The following NAALADL2 variants were observed in gnomAD, a reference collection of about 807,000 sequenced individuals.
The protein encoded by NAALADL2 is N-acetylated alpha-linked acidic dipeptidase like 2, also known as inactive N-acetylated-alpha-linked acidic dipeptidase-like protein 2.
In NAALADL2, 76 loss-of-function variants were observed where a neutral mutation model predicts 87.2. The ratio of observed to expected loss-of-function variants is 0.87; its 90% CI spans 0.72 to 1.05. NAALADL2 has a LOEUF of 1.05. Ranked by LOEUF, NAALADL2 falls within the 50% of genes least tolerant of loss-of-function variation. NAALADL2 has a pLI of 0.00. For synonymous variants in NAALADL2, 354 were observed against 331.0 expected, an observed-to-expected ratio of 1.07 and a Z score of -0.75; for missense variants, 1,089 against 945.8, an observed-to-expected ratio of 1.15 and a Z score of -1.99.
chr3:174,911,141 G>C (rs1733645301), intron 1 of NAALADL2, among the ~76,000 whole-genome samples: 1 of 152,058 alleles, frequency 6.6e-6, no homozygotes, highest in Non-Finnish European at 1.5e-5. Context: ...AGTGGATTCT[G>C]ATAGCTATTA....
intron 11 of NAALADL2, among the ~76,000 whole-genome samples, chr3:175,672,118 G>A (rs992992988): frequency 6.6e-6 from 1 of 152,116 alleles, no homozygotes; most frequent in African/African-American, 2.4e-5. Flanking sequence ...TGGTGGAGCA[G>A]GAGTTGCTGA....
intron 2 of NAALADL2, among the ~76,000 whole-genome samples, chr3:174,714,205 C>A (rs1293614335): frequency 6.6e-6 from 1 of 152,028 alleles, no homozygotes; most frequent in East Asian, 1.9e-4. Flanking sequence ...TTACTGTAGC[C>A]TTGTAGTATA....
At chr3:175,399,971 G>C (rs1246681431) in intron 5 of NAALADL2, among the ~76,000 whole-genome samples, 2 of 151,808 alleles carry the variant, frequency 1.3e-5, no homozygotes, top group Admixed American at 1.3e-4. Context: ...CTGAAGTGAA[G>C]ATATTAATTG....
chr3:174,999,374 G>C (rs1275616518), intron 1 of NAALADL2, among the ~76,000 whole-genome samples: 1 of 152,056 alleles, frequency 6.6e-6, no homozygotes, highest in Non-Finnish European at 1.5e-5. Flanking sequence ...TTTATTTTTA[G>C]AATTGTCTTT....
chr3:175,179,487 G>C (rs1162408500), intron 2 of NAALADL2, among the ~76,000 whole-genome samples: 4 of 151,906 alleles, frequency 2.6e-5, no homozygotes, highest in African/African-American at 9.7e-5. Flanking sequence ...TGTCAAGAAG[G>C]AACAAGTAGC....
At position 174,451,501 on chromosome 3, in the gene NAALADL2, G is replaced by A. The variant is rs1374962549; in HGVS notation, c.-184+10469G>A. ...GTATTATAATCTAGGCATTTTCTTA[G>A]CATGTATCCAATTTGAACACCTCTA... On this transcript the variant is annotated intron_variant, in intron 1 of 3. Transcript: ENST00000434257. Among the ~76,000 whole-genome samples the A allele has an allele frequency of 2.6e-5, 4 of 152,080 alleles. No homozygotes were observed. The East Asian group carries it at 7.7e-4, about 29-fold the overall frequency.
At chr3:174,681,415 A>G (rs1165087003) in intron 2 of NAALADL2, among the ~76,000 whole-genome samples, 2 of 152,122 alleles carry the variant, frequency 1.3e-5, no homozygotes, top group Non-Finnish European at 1.5e-5. Flanking sequence ...AGCATAGCCC[A>G]CAGCTCTGAG....
chr3:175,460,292 A>C (rs1045775564), intron 6 of NAALADL2: 5 of 432,276 alleles, frequency 1.2e-5, no homozygotes, highest in Non-Finnish European at 2.3e-5. Flanking sequence ...ATTTATTTTC[A>C]GATGTGAGTA....
intron 9 of NAALADL2, among the ~76,000 whole-genome samples, chr3:175,543,653 C>G (rs1712777974): frequency 6.6e-6 from 1 of 152,036 alleles, no homozygotes; most frequent in African/African-American, 2.4e-5. Flanking sequence ...AACTCACTTT[C>G]TATCATGAGA....
chr3:174,623,358 TTC>T (rs1721231116), intron 2 of NAALADL2, among the ~76,000 whole-genome samples: 1 of 152,140 alleles, frequency 6.6e-6, no homozygotes, highest in Non-Finnish European at 1.5e-5. Context: ...TTGTTTACAT[TTC>T]TCTGACTGCC....
At chr3:174,556,444 CT>C (rs554616964) in intron 2 of NAALADL2, among the ~76,000 whole-genome samples, 388 of 149,828 alleles carry the variant, frequency 2.6e-3, no homozygotes, top group African/African-American at 7.7e-3. Context: ...AAAGAGGTAA[CT>C]TTTTTTTTTC....
chr3:175,768,851 CAAAA>C (rs35173343), intron 13 of NAALADL2, among the ~76,000 whole-genome samples: 2 of 100,782 alleles, frequency 2.0e-5, no homozygotes, highest in African/African-American at 3.1e-5. Context: ...GACTTTGTCT[CAAAA>C]AAAAAAAAAA....
intron 9 of NAALADL2, among the ~76,000 whole-genome samples, chr3:175,555,360 T>G (rs1715090784): frequency 6.6e-6 from 1 of 152,206 alleles, no homozygotes; most frequent in African/African-American, 2.4e-5. Flanking sequence ...GTGAGTACAT[T>G]TATTGCATTA....
intron 4 of NAALADL2, among the ~76,000 whole-genome samples, chr3:175,288,518 T>C (rs1202161279): frequency 6.6e-6 from 1 of 152,196 alleles, no homozygotes; most frequent in Non-Finnish European, 1.5e-5. Flanking sequence ...TCAAGTAATC[T>C]ATCAAAAATC....
intron 5 of NAALADL2, among the ~76,000 whole-genome samples, chr3:175,361,941 C>T (rs1232969576): frequency 3.4e-5 from 5 of 147,634 alleles, no homozygotes; most frequent in African/African-American, 1.2e-4. Context: ...AAGTCCTTGC[C>T]CATGCCTATG....
intron 9 of NAALADL2, among the ~76,000 whole-genome samples, chr3:175,526,179 C>G (rs1472140856): frequency 1.3e-5 from 2 of 152,122 alleles, no homozygotes; most frequent in African/African-American, 4.8e-5. Context: ...AGTGTTAGCA[C>G]AGAGGAAAAA....
intron 2 of NAALADL2, among the ~76,000 whole-genome samples, chr3:174,648,294 G>T (rs1724002838): frequency 6.6e-6 from 1 of 151,386 alleles, no homozygotes. Flanking sequence ...TTGCACTCCA[G>T]CCTGGGCAAC....
chr3:175,289,016 G>A (rs976627088), intron 4 of NAALADL2, among the ~76,000 whole-genome samples: 7 of 152,074 alleles, frequency 4.6e-5, no homozygotes, highest in Admixed American at 1.3e-4. Context: ...GATCTCTTTA[G>A]GGATTAATAT....
At chr3:174,517,382 A>T (rs2108403496) in intron 1 of NAALADL2, among the ~76,000 whole-genome samples, 1 of 152,200 alleles carries the variant, frequency 6.6e-6, no homozygotes, top group Non-Finnish European at 1.5e-5. Flanking sequence ...TTGGAATTAT[A>T]TTTGCTTATT....
Sources: allele counts gnomAD v4.1 joint callset (sites outside exome capture counted in the v4.1 genomes callset), GRCh38; gene constraint gnomAD v4.1.1; transcripts MANE v1.5; gene names NCBI Gene and HGNC (gene_info 2026-07-23, HGNC 2026-07-21).